Variants in BAIAP2L1 observed in about 807,000 individuals in gnomAD.
BAIAP2L1 encodes the protein BAR/IMD domain containing adaptor protein 2 like 1, also known as BAR/IMD domain-containing adapter protein 2-like 1.
A neutral mutation model predicts 66.3 loss-of-function variants in BAIAP2L1; 35 were observed. The ratio of observed to expected loss-of-function variants is 0.53; its 90% CI spans 0.40 to 0.70. The LOEUF is 0.70. Ranked by LOEUF, BAIAP2L1 falls within the 30% of genes least tolerant of loss-of-function variation. BAIAP2L1 has a pLI of 0.00. For missense variants in BAIAP2L1, 622 were observed against 656.9 expected, an observed-to-expected ratio of 0.95 and a Z score of 0.58; for synonymous variants, 269 against 248.7, an observed-to-expected ratio of 1.08 and a Z score of -0.77.
At chr7:98,398,481 A>C (rs1562797974) in intron 1 of BAIAP2L1, among the ~76,000 whole-genome samples, 1 of 151,956 alleles carries the variant, frequency 6.6e-6, no homozygotes. Context: ...ACATTAAAAA[A>C]AAAAAAGGTC....
intron 2 of BAIAP2L1, among the ~76,000 whole-genome samples, chr7:98,359,991 T>C (rs545599653): frequency 1.3e-5 from 2 of 150,900 alleles, no homozygotes; most frequent in South Asian, 4.2e-4. Context: ...GGCATGATCT[T>C]GGCTCATTGC....
chr7:98,326,515 G>A (rs1234013194), intron 3 of BAIAP2L1, among the ~76,000 whole-genome samples: 1 of 152,192 alleles, frequency 6.6e-6, no homozygotes, highest in Non-Finnish European at 1.5e-5. Context: ...GAGCCGGCTT[G>A]AAGGAGCTAG....
At chr7:98,338,239 T>C (rs1039611343) in intron 3 of BAIAP2L1, among the ~76,000 whole-genome samples, 1 of 151,794 alleles carries the variant, frequency 6.6e-6, no homozygotes, top group African/African-American at 2.4e-5. Context: ...GAGACCACGG[T>C]GAAAACCCGT....
intron 1 of BAIAP2L1, among the ~76,000 whole-genome samples, chr7:98,392,761 T>C (rs1419411999): frequency 6.6e-6 from 1 of 152,128 alleles, no homozygotes. Flanking sequence ...GTTAGTGTTA[T>C]CTCTGGTTTG....
intron 11 of BAIAP2L1, 74 bp downstream of exon 11, chr7:98,306,365 G>C (rs1336270597): frequency 1.3e-5 from 20 of 1,553,226 alleles, no homozygotes; most frequent in Non-Finnish European, 1.8e-5. Context: ...GACACAGCTA[G>C]ATGGTGGTGT....
intron 10 of BAIAP2L1, 89 bp from the exon 11 acceptor site, chr7:98,306,605 A>G (rs1206226384): frequency 3.2e-6 from 5 of 1,585,008 alleles, no homozygotes; most frequent in Non-Finnish European, 4.3e-6. Flanking sequence ...CTCAGGGCAG[A>G]CAGGTCCACT....
chr7:98,337,313 C>A (rs1339891384), intron 3 of BAIAP2L1, among the ~76,000 whole-genome samples: 1 of 151,354 alleles, frequency 6.6e-6, no homozygotes, highest in South Asian at 2.1e-4. Flanking sequence ...CTCACTGAAA[C>A]CTCCGCCTCC....
At chr7:98,350,779 A>G (rs1801983137) in intron 3 of BAIAP2L1, among the ~76,000 whole-genome samples, 1 of 152,180 alleles carries the variant, frequency 6.6e-6, no homozygotes, top group South Asian at 2.1e-4. Flanking sequence ...TCCCAAATAG[A>G]AACAGACTGG....
Position 98,304,210 on chromosome 7 carries a change from C to T in BAIAP2L1, c.1408G>A (p.Glu470Lys), listed in dbSNP as rs373469430. 264 of 1,600,282 alleles carry T rather than the reference C, an allele frequency of 1.6e-4. No homozygotes were observed. Among genetic ancestry groups the T allele is most frequent in the Non-Finnish European group, 2.1e-4 (252 of 1,173,002 alleles). ...STFKAPASKPETAAPNDANGT... is the reference protein window; with the variant it reads ...STFKAPASKPKTAAPNDANGT... ...GCTTTACTCACAGGAGCCGCGGTCT[C>T]GGGCTTGGACGCTGGGGCCTTAAAG... Residue 470 changes from glutamate to lysine, a missense_variant, in exon 12 of 14, where the codon GAG becomes AAG. Physicochemically the swap from Glu to Lys is moderately conservative, Grantham distance 56. Coordinates refer to ENST00000005260, the MANE Select transcript of BAIAP2L1 (RefSeq NM_018842.5).
At chr7:98,365,107 C>G (rs1802365135) in intron 1 of BAIAP2L1, among the ~76,000 whole-genome samples, 1 of 138,972 alleles carries the variant, frequency 7.2e-6, no homozygotes, top group Non-Finnish European at 1.5e-5. Flanking sequence ...AAGCTTATTT[C>G]TGGAAGCCTT....
intron 3 of BAIAP2L1, among the ~76,000 whole-genome samples, chr7:98,321,363 G>T (rs77567600): frequency 2.2e-3 from 328 of 152,092 alleles, no homozygotes; most frequent in African/African-American, 7.7e-3. Flanking sequence ...TTTTTCTCAC[G>T]TTAGTTCTTA....
At chr7:98,322,462 G>A (rs752261397) in intron 3 of BAIAP2L1, among the ~76,000 whole-genome samples, 2 of 152,032 alleles carry the variant, frequency 1.3e-5, no homozygotes, top group Non-Finnish European at 2.9e-5. Context: ...TCAACTTCTC[G>A]CCCATGTGTA....
rs746122454 is a variant in BAIAP2L1, at chr7:98,306,565, C to T, written c.1164-49G>A. 37 of 1,613,340 alleles carry T rather than the reference C, an allele frequency of 2.3e-5. No homozygotes were observed. The Admixed American group carries it at 2.5e-4, about 11-fold the overall frequency. On this transcript the variant is annotated intron_variant, in intron 10 of 13. Transcript: ENST00000005260. ...ACCCTATCAGCAGTAGACATGTGGA[C>T]GGCAACCTCCCTGAACAACCTGGTG...
At chr7:98,366,274 G>C (rs569239063) in intron 1 of BAIAP2L1, among the ~76,000 whole-genome samples, 38 of 152,148 alleles carry the variant, frequency 2.5e-4, no homozygotes, top group Non-Finnish European at 5.1e-4. Flanking sequence ...TCCAAGTCTA[G>C]AGCACCTCAG....
Position 98,393,038 on chromosome 7 carries a change from C to T in BAIAP2L1, c.51+7764G>A, listed in dbSNP as rs10228860. 7.2e-5 allele frequency among the ~76,000 whole-genome samples: 7 copies of T among 96,818 alleles called. 1 individual carries two copies. The highest frequency in any genetic ancestry group is 7.0e-4 in the Admixed American group (7 of 9,950). 63.5% of individuals were successfully genotyped at this position (96,818 alleles called of 152,430 possible). On this transcript the variant is annotated intron_variant, in intron 1 of 13. Transcript: ENST00000005260. The stretch of plus-strand genomic sequence containing the variant: ...ATATATACATACACACATATATATA[C>T]ATATATACGTGTACATATATGTACA...
intron 12 of BAIAP2L1, among the ~76,000 whole-genome samples, chr7:98,303,276 G>A (rs986153440): frequency 2.6e-5 from 4 of 152,130 alleles, no homozygotes; most frequent in African/African-American, 9.7e-5. Context: ...ACCACTCACA[G>A]CTGAACTAAG....
In BAIAP2L1 at chr7:98,292,711, G is replaced by A; in HGVS notation, c.*810C>T. The A allele has an allele frequency of 1.3e-6, 2 of 1,551,650 alleles. No homozygotes were observed. The highest frequency in any genetic ancestry group is 1.7e-4 in the Middle Eastern group (1 of 5,992). ...CCTGATTCAAACACGGAGAAACCAG[G>A]ACCCCGAGCAGTTTGAGTGTACTGG... On this transcript the variant is annotated 3_prime_UTR_variant, in exon 14 of 14. Transcript: ENST00000005260.
Position 98,293,460 on chromosome 7 carries a change from A to C in BAIAP2L1, c.*61T>G, listed in dbSNP as rs939231694. 6.7e-7 allele frequency: 1 copy of C among 1,482,622 alleles called. No individual in the cohort carries two copies. The allele number at this position is 1,482,622 out of a possible 1,614,324, so 91.8% of individuals were successfully genotyped here. ...CGACCGTCAGCACGTGGCAGACAGG[A>C]TGCGCCCATCATTCCGCAAGGGAGA... On this transcript the variant is annotated 3_prime_UTR_variant, in exon 14 of 14. Coordinates refer to ENST00000005260, the MANE Select transcript of BAIAP2L1 (RefSeq NM_018842.5).
intron 13 of BAIAP2L1, among the ~76,000 whole-genome samples, 186 bp from the exon 14 acceptor site, chr7:98,293,782 A>G (rs981275878): frequency 6.6e-6 from 1 of 152,156 alleles, no homozygotes; most frequent in Non-Finnish European, 1.5e-5. Context: ...ACACCATACC[A>G]CCTGCTGCAG....
Sources: gnomAD v4.1 joint callset for allele counts (sites outside exome capture counted in the v4.1 genomes callset) on GRCh38, gnomAD v4.1.1 for gene constraint, MANE v1.5 for transcripts, NCBI Gene and HGNC (gene_info 2026-07-23, HGNC 2026-07-21) for gene names.